RECQL4: variants seen among roughly 807,000 people sequenced by gnomAD.
RECQL4 encodes ATP-dependent DNA helicase Q4.
In RECQL4, 158 loss-of-function variants were observed where a neutral mutation model predicts 128.6. That is an observed-to-expected ratio of 1.23 (90% CI 1.08 to 1.40). The LOEUF is 1.40. Ranked by LOEUF, RECQL4 falls within the 40% of genes most tolerant of loss-of-function variation. The probability of loss-of-function intolerance (pLI) is 0.00; values close to 1 mark genes in which losing one functional copy is unlikely to be tolerated. For synonymous variants in RECQL4, 996 were observed against 678.9 expected (o/e 1.47, Z -7.26); for missense variants, 2,293 against 1,649.8 (o/e 1.39, Z -6.75).
Position 144,513,432 on chromosome 8 carries a change from C to T in RECQL4, c.2249G>A (p.Ser750Asn), listed in dbSNP as rs2130680134. Residue 750 changes from serine (S) to asparagine (N), a missense_variant, in exon 14 of 21, where the codon AGC (serine) becomes AAC (asparagine). Ser to Asn is a conservative substitution (Grantham distance 46). Transcript: ENST00000617875. Reference protein sequence around the residue: ...TAEAYHAGMCSRERRRVQRAF... With the variant: ...TAEAYHAGMCNRERRRVQRAF... ...TCGCTGTACCCGCCGCCGTTCCCGGCTGCACATGCCCGCGTGGTAGGCCTC... is the reference window on the plus strand; with the variant it reads ...TCGCTGTACCCGCCGCCGTTCCCGGTTGCACATGCCCGCGTGGTAGGCCTC... The T allele has an allele frequency of 1.9e-6, 3 of 1,609,718 alleles. No individual in the cohort carries two copies. The highest frequency in any genetic ancestry group is 2.5e-6 in the Non-Finnish European group (3 of 1,179,786).
intron 3 of RECQL4, 95 bp downstream of exon 3, chr8:144,517,319 C>G (rs910386307): frequency 1.3e-6 from 2 of 1,484,170 alleles, no homozygotes; most frequent in Middle Eastern, 2.4e-4. Context: ...CTCCCAAGTT[C>G]TGTGCCCCAC....
In RECQL4 at chr8:144,514,263, C is replaced by G. The variant is rs1827825605; in HGVS notation, c.1804G>C (p.Ala602Pro). The change falls in exon 11 of 21, where the codon GCC becomes CCC. Residue 602 changes from alanine (A) to proline (P), a missense_variant. Transcript: ENST00000617875. ...PAAQLPPVAF[A>P]CIDEAHCLSQ... ...AGGCAGTGGGCCTCATCAATGCAGG[C>G]AAAAGCAACTGGAGGCAGCTGTGCG... 6.2e-7 allele frequency: 1 copy of G among 1,612,186 alleles called. No individual in the cohort carries two copies. The highest frequency in any genetic ancestry group is 8.5e-7 in the Non-Finnish European group (1 of 1,179,670).
Position 144,512,695 on chromosome 8 carries a change from A to T in RECQL4, c.2832T>A (p.His944Gln), listed in dbSNP as rs754047453. ...GGCCCCCAGGGCAGTTCAGACGGCA[A>T]TGGGTATAGGTGGTCGCCAGCAGCT... ...WLELLATTYT[H>Q]CRLNCPGGPA... Residue 944 changes from histidine to glutamine, a missense_variant, in exon 16 of 21, where the codon CAT becomes CAA. Physicochemically the swap from His to Gln is conservative, Grantham distance 24. Transcript: ENST00000617875. The T allele has an allele frequency of 4.3e-6, 7 of 1,612,466 alleles. No individual in the cohort carries two copies. The highest frequency in any genetic ancestry group is 2.2e-5 in the South Asian group (2 of 91,086).
intron 9 of RECQL4, 102 bp downstream of exon 9, chr8:144,514,834 C>T (rs926705038): frequency 2.6e-5 from 38 of 1,435,500 alleles, no homozygotes; most frequent in African/African-American, 2.0e-4. Flanking sequence ...CCTTGAAGCT[C>T]CCAGGGGAGG....
chr8:144,512,639 T>A lies in RECQL4; in HGVS notation c.2885+3A>T, dbSNP rs756288212. On this transcript the variant is annotated splice_donor_region_variant and intron_variant, in intron 16 of 20. Coordinates refer to ENST00000617875, the MANE Select transcript of RECQL4 (RefSeq NM_004260.4). ...CGTCTCCAACTGGGCAGGGCGTGCT[T>A]ACCTGTGGGCCAGGGCCTGGAGCTG... is the stretch of plus-strand genomic sequence containing the variant. The A allele has an allele frequency of 1.2e-6, 2 of 1,611,620 alleles. No homozygotes were observed. The highest frequency in any genetic ancestry group is 1.3e-5 in the African/African-American group (1 of 74,804).
Position 144,512,028 on chromosome 8 carries a change from C to G in RECQL4, c.3276G>C (p.Gln1092His), listed in dbSNP as rs1412273753. 1 of 1,608,928 alleles carries G rather than the reference C, an allele frequency of 6.2e-7. No homozygotes were observed. The highest frequency in any genetic ancestry group is 1.7e-5 in the Admixed American group (1 of 59,566). Residue 1092 changes from glutamine to histidine, a missense_variant, in exon 19 of 21, where the codon CAG becomes CAC. Coordinates refer to ENST00000617875, the MANE Select transcript of RECQL4 (RefSeq NM_004260.4). ...FPSCGPCLEQ[Q>H]DEERSTRLKD... is the part of the protein sequence containing the mutation. ...TGAGCCTGGTGCTGCGCTCCTCATCCTGCTGCTCCAGGCAGGGCCCGCAGC... is the reference window on the plus strand; with the variant it reads ...TGAGCCTGGTGCTGCGCTCCTCATCGTGCTGCTCCAGGCAGGGCCCGCAGC...
At position 144,513,324 on chromosome 8, in the gene RECQL4, A is replaced by C. The variant is rs990445273; in HGVS notation, c.2357T>G (p.Val786Gly). ...MGLDRPDVRA[V>G]LHLGLPPSFE... ...GCTTGGGGGCAGCCCCAGATGCAGCACAGCCCGCACATCTGGCCGGTCCAG... is the reference window on the plus strand; with the variant it reads ...GCTTGGGGGCAGCCCCAGATGCAGCCCAGCCCGCACATCTGGCCGGTCCAG... Residue 786 changes from valine to glycine, a missense_variant, in exon 14 of 21, where the codon GTG (valine) becomes GGG (glycine). Coordinates refer to ENST00000617875, the MANE Select transcript of RECQL4 (RefSeq NM_004260.4). 14 of 1,602,846 alleles carry C rather than the reference A, an allele frequency of 8.7e-6. No individual in the cohort carries two copies. Among genetic ancestry groups the C allele is most frequent in the Non-Finnish European group, 1.2e-5 (14 of 1,179,550 alleles).
In RECQL4 at chr8:144,512,042, A is replaced by G. The variant is rs1554896393; in HGVS notation, c.3262T>C (p.Cys1088Arg). The change falls in exon 19 of 21, where the codon TGC becomes CGC. Residue 1088 changes from cysteine (C) to arginine (R), a missense_variant. Cys to Arg is a radical substitution (Grantham distance 180). Transcript: ENST00000617875. Reference sequence around the variant, plus strand: ...CGCTCCTCATCCTGCTGCTCCAGGCAGGGCCCGCAGCTGGGGAAGGCTACG... The same window carrying G: ...CGCTCCTCATCCTGCTGCTCCAGGCGGGGCCCGCAGCTGGGGAAGGCTACG... ...HSVAFPSCGPCLEQQDEERST... is the reference protein window; with the variant it reads ...HSVAFPSCGPRLEQQDEERST... 1.9e-6 allele frequency: 3 copies of G among 1,608,484 alleles called. No individual in the cohort carries two copies. Among genetic ancestry groups the G allele is most frequent in the African/African-American group, 2.7e-5 (2 of 75,002 alleles).
In RECQL4 at chr8:144,516,158, C is replaced by T. The variant is rs748212145; in HGVS notation, c.961G>A (p.Gly321Arg). Reference sequence around the variant, plus strand: ...CTAGCTTGACTGGAGGGGCTGAGTCCGTGGTACCTGGGGTTCGATGGGCTG... The same window carrying T: ...CTAGCTTGACTGGAGGGGCTGAGTCTGTGGTACCTGGGGTTCGATGGGCTG... ...CSSPSNPRYH[G>R]LSPSSQARAG... Residue 321 changes from glycine to arginine, a missense_variant, in exon 5 of 21, where the codon GGA (glycine) becomes AGA (arginine). By Grantham distance (125) the Gly-to-Arg change is moderately radical. Transcript: ENST00000617875. 32 of 1,613,240 alleles carry T rather than the reference C, an allele frequency of 2.0e-5. No homozygotes were observed. The highest frequency in any genetic ancestry group is 9.3e-5 in the African/African-American group (7 of 74,918).
At position 144,514,421 on chromosome 8, in the gene RECQL4, CT is replaced by C. The variant is rs2130697797; in HGVS notation, c.1704+20del. The C allele has an allele frequency of 1.2e-6, 2 of 1,609,916 alleles. No homozygotes were observed. The highest frequency in any genetic ancestry group is 1.7e-6 in the Non-Finnish European group (2 of 1,178,180). ...TGCCCGCCCGCTGCCTCCCTCACCC[CT>C]AGGCCCATGAGGCCCCCACCTTCTG... On this transcript the variant is annotated intron_variant, in intron 10 of 20. Transcript: ENST00000617875.
rs753959069 is a variant in RECQL4, at chr8:144,516,445, G to A, written c.674C>T (p.Ser225Leu). ...GCCAGCACCAGGACCAAGGACAGCC[G>A]ACTCACCAGGGATCAGAAGTTGTGA... is the stretch of plus-strand genomic sequence containing the variant. The part of the protein sequence containing the change: ...EESQLLIPGE[S>L]AVLGPGAGSQ... Residue 225 changes from serine (S) to leucine (L), a missense_variant, in exon 5 of 21, where the codon TCG (serine) becomes TTG (leucine). Transcript: ENST00000617875. The A allele has an allele frequency of 5.6e-6, 9 of 1,608,616 alleles. No individual in the cohort carries two copies. The highest frequency in any genetic ancestry group is 1.6e-4 in the Middle Eastern group (1 of 6,084).
In RECQL4 at chr8:144,516,049, T is replaced by A; in HGVS notation, c.1070A>T (p.Asn357Ile). 6.2e-7 allele frequency: 1 copy of A among 1,612,580 alleles called. No individual in the cohort carries two copies. The highest frequency in any genetic ancestry group is 8.5e-7 in the Non-Finnish European group (1 of 1,179,760). Residue 357 changes from asparagine (N) to isoleucine (I), a missense_variant, in exon 5 of 21, where the codon AAC becomes ATC. Physicochemically the swap from Asn to Ile is moderately radical, Grantham distance 149. Transcript: ENST00000617875. ...CCGCACGTAGTGTTTCTGCTTCATGTTGAGCCGTACGTAATTGCCCCTGTC... is the reference window on the plus strand; with the variant it reads ...CCGCACGTAGTGTTTCTGCTTCATGATGAGCCGTACGTAATTGCCCCTGTC... ...RHDRGNYVRLNMKQKHYVRGR... is the reference protein window; with the variant it reads ...RHDRGNYVRLIMKQKHYVRGR...
At chr8:144,516,970 T>C (rs947196606) in intron 4 of RECQL4, 80 bp downstream of exon 4, 2 of 1,535,640 alleles carry the variant, frequency 1.3e-6, no homozygotes, top group Middle Eastern at 1.7e-4. Context: ...CCTGTCTGTG[T>C]GGAAAAAATG....
rs750126506 is a variant in RECQL4, at chr8:144,513,643, G to T, written c.2128C>A (p.Arg710Ser). The change falls in exon 13 of 21, where the codon CGC becomes AGC. Residue 710 changes from arginine to serine, a missense_variant. By Grantham distance (110) the Arg-to-Ser change is moderately radical. Coordinates refer to ENST00000617875, the MANE Select transcript of RECQL4 (RefSeq NM_004260.4). ...LDSIIIYCNR[R>S]EDTERIAALL... Reference sequence around the variant, plus strand: ...GCAGCGATCCGCTCTGTGTCCTCGCGCCGGTTGCAGTAAATGATAATGGAA... The same window carrying T: ...GCAGCGATCCGCTCTGTGTCCTCGCTCCGGTTGCAGTAAATGATAATGGAA... 6.3e-7 allele frequency: 1 copy of T among 1,583,954 alleles called. No homozygotes were observed. Among genetic ancestry groups the T allele is most frequent in the South Asian group, 1.1e-5 (1 of 87,360 alleles).
chr8:144,511,532 C>G lies in RECQL4; in HGVS notation c.3526G>C (p.Val1176Leu), dbSNP rs751477241. The G allele has an allele frequency of 1.2e-6, 2 of 1,612,402 alleles. No individual in the cohort carries two copies. The highest frequency in any genetic ancestry group is 2.2e-5 in the East Asian group (1 of 44,898). The change falls in exon 21 of 21, where the codon GTG becomes CTG. Residue 1176 changes from valine to leucine, a missense_variant. Physicochemically the swap from Val to Leu is conservative, Grantham distance 32. Transcript: ENST00000617875. ...CAGAAGCGTCGGTCCTGCCCGTACA[C>G]CTGGGCCGGGTAGCAGGGGCTTCCT... ...GIGSPCYPAQ[V>L]YGQDRRFWRK...
chr8:144,512,182 G>A lies in RECQL4; in HGVS notation c.3198C>T (p.Ala1066=). The A allele has an allele frequency of 1.2e-6, 2 of 1,611,828 alleles. No individual in the cohort carries two copies. The highest frequency in any genetic ancestry group is 1.7e-6 in the Non-Finnish European group (2 of 1,179,570). ...GGAAGGTTCTGCGCAGACGGGCCAGGGCCTGGCGCTCCCGGGCCTGCACAC... is the reference window on the plus strand; with the variant it reads ...GGAAGGTTCTGCGCAGACGGGCCAGAGCCTGGCGCTCCCGGGCCTGCACAC... ...YGRVQARERQ[A]LARLRRTFQA... The change falls in exon 18 of 21, where the codon GCC becomes GCT. Residue 1066 remains alanine (A), a synonymous_variant. Transcript: ENST00000617875.
Position 144,516,574 on chromosome 8 carries a change from C to G in RECQL4, c.545G>C (p.Arg182Pro), listed in dbSNP as rs565903685. ...CCAGCCAGGATCTAGGGAGCCCAGC[C>G]GCTGGCTCAGGGATGCCTGCAGATG... The part of the protein sequence containing the change: ...LQHLQASLSQ[R>P]LGSLDPGWLQ... Residue 182 changes from arginine (R) to proline (P), a missense_variant, in exon 5 of 21, where the codon CGG becomes CCG. Arg to Pro is a moderately radical substitution (Grantham distance 103). Transcript: ENST00000617875. 3 of 1,609,816 alleles carry G rather than the reference C, an allele frequency of 1.9e-6. No homozygotes were observed. Among genetic ancestry groups the G allele is most frequent in the Non-Finnish European group, 2.5e-6 (3 of 1,178,646 alleles).
rs4251689 is a variant in RECQL4, at chr8:144,515,746, C to T, written c.1258+18G>A. 0.46 allele frequency: 740,999 copies of T among 1,610,022 alleles called. 175,331 individuals carry two copies. Among genetic ancestry groups the T allele is most frequent in the South Asian group, 0.56 (51,131 of 90,708 alleles). On this transcript the variant is annotated intron_variant, in intron 6 of 20. Transcript: ENST00000617875. ...CCACAGTGTTGGCCGGACCCACCCT[C>T]CAGGGCAGATGTCTCACCTGGCCGG...
rs35071981 is a variant in RECQL4 at position 144,515,126 on chromosome 8, C to G, written c.1483+24G>C. 5.6e-3 allele frequency: 8,756 copies of G among 1,573,822 alleles called. 427 individuals carry two copies. The African/African-American group carries it at 0.1, about 19-fold the overall frequency. On this transcript the variant is annotated intron_variant, in intron 8 of 20. Transcript: ENST00000617875. ...TTCTGCAGCCTGGCCTCAGCCCAGCCTCAGCCCTGGCAGCCACGCTCACCA... is the reference window on the plus strand; with the variant it reads ...TTCTGCAGCCTGGCCTCAGCCCAGCGTCAGCCCTGGCAGCCACGCTCACCA...
Sources: gnomAD v4.1 joint callset for allele counts on GRCh38, gnomAD v4.1.1 for gene constraint, MANE v1.5 for transcripts, NCBI Gene and HGNC (gene_info 2026-07-23, HGNC 2026-07-21) for gene names.